The following RHEB variants were observed in gnomAD, a reference collection of about 807,000 sequenced individuals.
RHEB encodes Ras homolog, mTORC1 binding.
RHEB carries 2 observed loss-of-function variants against 28.8 expected under a neutral mutation model. That is an observed-to-expected ratio of 0.07 (90% confidence interval 0.03 to 0.22). The LOEUF (loss-of-function observed/expected upper bound fraction) is 0.22. Ranked by LOEUF, RHEB falls within the 10% of genes least tolerant of loss-of-function variation. The probability of loss-of-function intolerance (pLI) is 1.00; values close to 1 mark genes in which losing one functional copy is unlikely to be tolerated. For synonymous variants in RHEB, 69 were observed against 77.3 expected, an observed-to-expected ratio of 0.89 and a Z score of 0.56; for missense variants, 76 against 219.9, an observed-to-expected ratio of 0.35 and a Z score of 4.14.
intron 1 of RHEB, among the ~76,000 whole-genome samples, chr7:151,500,025 C>T (rs1802744943): frequency 6.6e-6 from 1 of 152,172 alleles, no homozygotes; most frequent in African/African-American, 2.4e-5. Context: ...TGGTCTCAAA[C>T]ACCTGGGCTC....
At chr7:151,514,441 C>A (rs1803041794) in intron 1 of RHEB, among the ~76,000 whole-genome samples, 1 of 152,012 alleles carries the variant, frequency 6.6e-6, no homozygotes, top group Non-Finnish European at 1.5e-5. Context: ...AACCCACAGA[C>A]AGGAGAAATT....
intron 1 of RHEB, among the ~76,000 whole-genome samples, chr7:151,495,868 G>A (rs1364976532): frequency 4.6e-5 from 7 of 152,194 alleles, no homozygotes; most frequent in Non-Finnish European, 8.8e-5. Context: ...TAGGAGGATC[G>A]CTTGAGCCGA....
intron 3 of RHEB, among the ~76,000 whole-genome samples, chr7:151,479,447 C>T (rs927670830): frequency 6.6e-6 from 1 of 152,092 alleles, no homozygotes. Context: ...CTTTGGGAGG[C>T]CAAGGTGGGC....
rs553524665 is a variant in RHEB at position 151,479,611 on chromosome 7, T to A, written c.193-2196A>T. 1.1e-3 allele frequency among the ~76,000 whole-genome samples: 159 copies of A among 141,510 alleles called. No homozygotes were observed. The East Asian group carries it at 0.026, about 23-fold the overall frequency. The allele number at this position is 141,510 out of a possible 152,430, so 92.8% of individuals were successfully genotyped here. On this transcript the variant is annotated intron_variant, in intron 3 of 7. Coordinates refer to ENST00000262187, the MANE Select transcript of RHEB (RefSeq NM_005614.4). ...GGCAGGAGAATGGTGTGAACCTGGG[T>A]GGCGGAGCTTGCAGTGAGCCGAGAT...
rs1397979808 is a variant in RHEB at position 151,477,392 on chromosome 7, C to G, written c.216G>C (p.Gln72His). The G allele has an allele frequency of 1.3e-6, 2 of 1,578,340 alleles. No homozygotes were observed. The change falls in exon 4 of 8, where the codon CAG (glutamine) becomes CAC (histidine). Residue 72 changes from glutamine (Q) to histidine (H), a missense_variant. By Grantham distance (24) the Gln-to-His change is conservative. Coordinates refer to ENST00000262187, the MANE Select transcript of RHEB (RefSeq NM_005614.4). ...AGQDEYSIFP[Q>H]TYSIDINGYI... Reference sequence around the variant, plus strand: ...AGCCATTAATATCTATGGAGTATGTCTGAGGAAAGATAGAATATTCATCCT... The same window carrying G: ...AGCCATTAATATCTATGGAGTATGTGTGAGGAAAGATAGAATATTCATCCT...
chr7:151,490,042 T>C (rs1202477409), intron 2 of RHEB, among the ~76,000 whole-genome samples: 2 of 152,212 alleles, frequency 1.3e-5, no homozygotes, highest in Non-Finnish European at 2.9e-5. Context: ...AGTCCTGGTC[T>C]CAAGAATCTG....
chr7:151,501,069 T>C (rs1236824671), intron 1 of RHEB, among the ~76,000 whole-genome samples: 2 of 151,932 alleles, frequency 1.3e-5, no homozygotes, highest in Non-Finnish European at 2.9e-5. Flanking sequence ...CAACCTGGAG[T>C]TGGGTGAAGA....
intron 2 of RHEB, among the ~76,000 whole-genome samples, chr7:151,488,038 T>G (rs1437198299): frequency 6.6e-6 from 1 of 152,182 alleles, no homozygotes; most frequent in Non-Finnish European, 1.5e-5. Flanking sequence ...CTCCCAACTT[T>G]CTGGAAGGCG....
intron 1 of RHEB, among the ~76,000 whole-genome samples, chr7:151,500,413 A>G (rs1002187665): frequency 6.6e-6 from 1 of 152,170 alleles, no homozygotes; most frequent in African/African-American, 2.4e-5. Context: ...TGGTACTGGC[A>G]TAAGGACAGA....
intron 1 of RHEB, among the ~76,000 whole-genome samples, chr7:151,517,168 AGCCTG>A: frequency 6.6e-6 from 1 of 152,292 alleles, no homozygotes; most frequent in Non-Finnish European, 1.5e-5. Context: ...GTTTGAGACA[AGCCTG>A]ACGTTTGGCC....
intron 2 of RHEB, among the ~76,000 whole-genome samples, chr7:151,489,848 A>C (rs1802547457): frequency 6.6e-6 from 1 of 152,264 alleles, no homozygotes; most frequent in Admixed American, 6.5e-5. Flanking sequence ...GTATAAAGAC[A>C]GGAAATGGGC....
intron 1 of RHEB, among the ~76,000 whole-genome samples, chr7:151,516,726 A>T (rs1434557058): frequency 6.6e-6 from 1 of 152,156 alleles, no homozygotes; most frequent in Non-Finnish European, 1.5e-5. Flanking sequence ...TGGCATGACA[A>T]ATCACAATGA....
At chr7:151,509,751 G>C (rs770198952) in intron 1 of RHEB, among the ~76,000 whole-genome samples, 1 of 152,132 alleles carries the variant, frequency 6.6e-6, no homozygotes, top group Non-Finnish European at 1.5e-5. Flanking sequence ...ATCTTTAAGT[G>C]GTTGGAAAAA....
At chr7:151,490,166 A>G (rs774016854) in intron 2 of RHEB, among the ~76,000 whole-genome samples, 13 of 152,196 alleles carry the variant, frequency 8.5e-5, no homozygotes, top group African/African-American at 1.9e-4. Flanking sequence ...AGCTGGGCAC[A>G]GTGTTGTATG....
At chr7:151,487,848 A>G (rs1802509434) in intron 2 of RHEB, among the ~76,000 whole-genome samples, 1 of 152,204 alleles carries the variant, frequency 6.6e-6, no homozygotes, top group Non-Finnish European at 1.5e-5. Flanking sequence ...TCCTAAGTAG[A>G]CTAATAGCTA....
intron 1 of RHEB, chr7:151,502,492 A>C (rs575182517): frequency 1.1e-6 from 1 of 908,664 alleles, no homozygotes; most frequent in East Asian, 2.4e-5. Flanking sequence ...CTGTAACAGA[A>C]GAAGGAAAGG....
chr7:151,492,194 C>A (rs1802595211), intron 1 of RHEB, among the ~76,000 whole-genome samples: 1 of 152,174 alleles, frequency 6.6e-6, no homozygotes, highest in Non-Finnish European at 1.5e-5. Context: ...ATGGTAACAC[C>A]CATCTTACAC....
At chr7:151,487,972 A>G (rs1241883449) in intron 2 of RHEB, among the ~76,000 whole-genome samples, 1 of 152,212 alleles carries the variant, frequency 6.6e-6, no homozygotes, top group African/African-American at 2.4e-5. Context: ...TACCCTACTG[A>G]GAAGTCCACA....
At chr7:151,469,360 T>G (rs1245945144) in intron 7 of RHEB, among the ~76,000 whole-genome samples, 1 of 152,204 alleles carries the variant, frequency 6.6e-6, no homozygotes, top group African/African-American at 2.4e-5. Flanking sequence ...TTAAGAGGGC[T>G]AAGAGAAGAA....
Sources: allele counts gnomAD v4.1 joint callset (sites outside exome capture counted in the v4.1 genomes callset), GRCh38; gene constraint gnomAD v4.1.1; transcripts MANE v1.5; gene names NCBI Gene and HGNC (gene_info 2026-07-23, HGNC 2026-07-21).